The following ATP7B variants were observed in gnomAD, a reference collection of about 807,000 sequenced individuals.
ATP7B encodes ATPase copper transporting beta.
Under a neutral mutation model 118.9 loss-of-function variants are expected in ATP7B, and 113 were observed. The ratio of observed to expected loss-of-function variants is 0.95; its 90% CI spans 0.82 to 1.11. The LOEUF (loss-of-function observed/expected upper bound fraction) is 1.11, where lower values mean the gene tolerates loss of function less well. Among genes scored for constraint, ATP7B ranks in the 50% most tolerant of loss-of-function variants. ATP7B has a pLI of 0.00. For missense variants in ATP7B, 1,867 were observed against 1,871.4 expected, an observed-to-expected ratio of 1.00 and a Z score of 0.04; for synonymous variants, 777 against 727.4, an observed-to-expected ratio of 1.07 and a Z score of -1.10.
chr13:51,939,062 T>C lies in ATP7B; in HGVS notation c.3688A>G (p.Ile1230Val), dbSNP rs200911496. The change falls in exon 17 of 21, where the codon ATT becomes GTT. Residue 1230 changes from isoleucine to valine, a missense_variant. Ile to Val is a conservative substitution (Grantham distance 29, BLOSUM62 3). Coordinates refer to ENST00000242839, the MANE Select transcript of ATP7B (RefSeq NM_000053.4). ...TTAAAGGGCTGTACCTGGGTGGCAA[T>C]AGCTCTGGCTGTCTTCCGGTTGTCC... ...TGDNRKTARA[I>V]ATQVGINKVF... The C allele has an allele frequency of 6.6e-4, 1,061 of 1,614,256 alleles. 2 individuals are homozygous for C. Among genetic ancestry groups the C allele is most frequent in the Non-Finnish European group, 8.4e-4 (988 of 1,180,042 alleles).
At position 51,974,570 on chromosome 13, in the gene ATP7B, A is replaced by C. The variant is rs1555296472; in HGVS notation, c.650T>G (p.Leu217Ter). ...CTCAATATCAATTGGTCCCAGGCTT[A>C]AGGGAGCCACTTTGCTCTTGATGGC... is the stretch of plus-strand genomic sequence containing the variant. The part of the protein sequence containing the change: ...EAAIKSKVAP[L>*]SLGPIDIERL... The change falls in exon 2 of 21, where the codon TTA (leucine) becomes TGA (stop). Residue 217 changes from leucine to a stop codon, truncating the protein, a stop_gained. Coordinates refer to ENST00000242839, the MANE Select transcript of ATP7B (RefSeq NM_000053.4). LOFTEE classifies it high-confidence loss of function. 6.2e-7 allele frequency: 1 copy of C among 1,614,162 alleles called. No homozygotes were observed. The highest frequency in any genetic ancestry group is 8.5e-7 in the Non-Finnish European group (1 of 1,180,024).
chr13:51,981,310 C>T (rs886846975), intron 1 of ATP7B, among the ~76,000 whole-genome samples: 4 of 152,158 alleles, frequency 2.6e-5, no homozygotes, highest in African/African-American at 9.7e-5. Context: ...GGCTAACACA[C>T]AAGAGAGCTG....
At chr13:51,976,670 G>A (rs570446206) in intron 1 of ATP7B, among the ~76,000 whole-genome samples, 8 of 152,282 alleles carry the variant, frequency 5.3e-5, no homozygotes, top group African/African-American at 1.9e-4. Flanking sequence ...GAGCTGTATG[G>A]TGTAGCCTGT....
intron 19 of ATP7B, 93 bp downstream of exon 19, chr13:51,937,183 C>CA (rs1957018490): frequency 1.6e-6 from 2 of 1,249,622 alleles, no homozygotes; most frequent in African/African-American, 3.0e-5. Flanking sequence ...TCTAGCCAGC[C>CA]AGTGAGTGAG....
At position 51,950,516 on chromosome 13, in the gene ATP7B, T is replaced by C. The variant is rs1047377848; in HGVS notation, c.2448-117A>G. On this transcript the variant is annotated intron_variant, in intron 9 of 20. Transcript: ENST00000242839. ...TGCTTATACTGAGCAACAGTATTCA[T>C]TTGATCTGTTCATTTACAGATATTT... is the stretch of plus-strand genomic sequence containing the variant. 6.3e-6 allele frequency: 9 copies of C among 1,433,696 alleles called. No homozygotes were observed. The African/African-American group carries it at 9.7e-5, about 15-fold the overall frequency. 88.8% of individuals were successfully genotyped at this position (1,433,696 alleles called of 1,614,324 possible). A position where few individuals can be genotyped will look rare whatever the true frequency, so the allele number is the denominator to read the frequency against.
rs577858372 is a variant in ATP7B, at chr13:51,941,557, T to TG, written c.3413-334dup. ...CAGGGATTAGAAGCACTCAGGTATTTGCCCAGCACACAAAGCAAGTGTTGA... is the reference window on the plus strand; with the variant it reads ...CAGGGATTAGAAGCACTCAGGTATTTGGCCCAGCACACAAAGCAAGTGTTGA... On this transcript the variant is annotated intron_variant, in intron 15 of 20. Coordinates refer to ENST00000242839, the MANE Select transcript of ATP7B (RefSeq NM_000053.4). Among the ~76,000 whole-genome samples the TG allele has an allele frequency of 5.9e-5, 9 of 152,348 alleles. No individual in the cohort carries two copies. The South Asian group carries it at 1.9e-3, about 32-fold the overall frequency.
chr13:51,952,762 G>A (rs1852430605), intron 9 of ATP7B, among the ~76,000 whole-genome samples: 1 of 152,200 alleles, frequency 6.6e-6, no homozygotes, highest in Non-Finnish European at 1.5e-5. Context: ...GAGGATTCAA[G>A]GCTTGTGTGG....
chr13:51,944,358 G>A, intron 13 of ATP7B, 67 bp from the exon 14 acceptor site: 1 of 1,592,406 alleles, frequency 6.3e-7, no homozygotes, highest in South Asian at 1.1e-5. Flanking sequence ...TCACACTCCT[G>A]AGGCAGAACT....
At chr13:52,003,984 C>T (rs1025693868) in intron 1 of ATP7B, among the ~76,000 whole-genome samples, 5 of 152,140 alleles carry the variant, frequency 3.3e-5, no homozygotes, top group Non-Finnish European at 7.4e-5. Flanking sequence ...ACTGGCCGGG[C>T]GCGGTGGCTC....
At chr13:51,957,800 CA>C (rs1402811068) in intron 8 of ATP7B, 193 bp from the exon 9 acceptor site, 3 of 620,266 alleles carry the variant, frequency 4.8e-6, no homozygotes, top group African/African-American at 1.8e-5. Flanking sequence ...CACAGTGATG[CA>C]CAGTGCCTGT....
intron 15 of ATP7B, 150 bp downstream of exon 15, chr13:51,942,236 A>C (rs1471479808): frequency 8.3e-7 from 1 of 1,210,926 alleles, no homozygotes; most frequent in Non-Finnish European, 1.2e-6. Flanking sequence ...ACATAAGAGA[A>C]ACTTTCCTGG....
At chr13:51,997,532 C>G (rs999817270) in intron 1 of ATP7B, among the ~76,000 whole-genome samples, 5 of 152,158 alleles carry the variant, frequency 3.3e-5, no homozygotes, top group African/African-American at 1.2e-4. Context: ...GGCTCAGACC[C>G]AGAAGACAGC....
At chr13:51,948,491 C>T (rs902815406) in intron 12 of ATP7B, among the ~76,000 whole-genome samples, 4 of 152,146 alleles carry the variant, frequency 2.6e-5, no homozygotes, top group East Asian at 3.9e-4. Context: ...AACATTGTTC[C>T]GCTCATTGTG....
rs537748080 is a variant in ATP7B at position 51,974,264 on chromosome 13, G to A, written c.956C>T (p.Pro319Leu). The change falls in exon 2 of 21, where the codon CCA becomes CTA. Residue 319 changes from proline (P) to leucine (L), a missense_variant. By Grantham distance (98) the Pro-to-Leu change is moderately conservative. Transcript: ENST00000242839. The part of the protein sequence containing the change: ...VALQRAIEAL[P>L]PGNFKVSLPD... ...AAGAGAAACTTTAAAATTCCCAGGT[G>A]GAAGTGCCTCGATAGCCCTCTGCAG... 3.1e-6 allele frequency: 5 copies of A among 1,614,130 alleles called. No homozygotes were observed. The highest frequency in any genetic ancestry group is 1.6e-4 in the Middle Eastern group (1 of 6,062).
chr13:52,007,789 G>A (rs1227315619), intron 1 of ATP7B, among the ~76,000 whole-genome samples: 2 of 152,084 alleles, frequency 1.3e-5, no homozygotes, highest in African/African-American at 4.8e-5. Context: ...CCTCAGGTTG[G>A]GTAATTTGCT....
In ATP7B at chr13:51,970,404, G is replaced by A. The variant is rs1951780812; in HGVS notation, c.1543+88C>T. ...TTGCTACCTGGTTATCAGGGCTACT[G>A]ATAAACACAGTTGCTGGGTATTCTG... On this transcript the variant is annotated intron_variant, in intron 3 of 20. Transcript: ENST00000242839. The A allele has an allele frequency of 3.8e-6, 6 of 1,581,856 alleles. No individual in the cohort carries two copies. The East Asian group carries it at 1.3e-4, about 35-fold the overall frequency.
chr13:51,937,718 G>C, intron 17 of ATP7B, 39 bp from the exon 18 acceptor site: 1 of 1,606,532 alleles, frequency 6.2e-7, no homozygotes, highest in Non-Finnish European at 8.5e-7. Context: ...GTTGGCAAAA[G>C]GTATCAGATA....
intron 2 of ATP7B, among the ~76,000 whole-genome samples, chr13:51,972,381 C>T (rs1007206414): frequency 1.3e-5 from 2 of 150,042 alleles, no homozygotes; most frequent in Non-Finnish European, 3.0e-5. Context: ...CTCACAATCA[C>T]TCTTTCTAGG....
intron 1 of ATP7B, among the ~76,000 whole-genome samples, chr13:51,983,680 A>G (rs9526817): frequency 0.59 from 89,579 of 151,908 alleles, 28,298 homozygotes; most frequent in Non-Finnish European, 0.71. Flanking sequence ...GGCATCTGGC[A>G]GGTGCCCCTC....
Sources: allele counts gnomAD v4.1 joint callset (sites outside exome capture counted in the v4.1 genomes callset), GRCh38; gene constraint gnomAD v4.1.1; transcripts MANE v1.5; gene names NCBI Gene and HGNC (gene_info 2026-07-23, HGNC 2026-07-21).